PIK3C2G: variants seen among roughly 807,000 people sequenced by gnomAD.
PIK3C2G encodes the protein phosphatidylinositol 3-kinase C2 domain-containing subunit gamma.
Under a neutral mutation model 181.1 loss-of-function variants are expected in PIK3C2G, and 168 were observed. The ratio of observed to expected loss-of-function variants is 0.93; its 90% CI spans 0.82 to 1.05. The LOEUF (loss-of-function observed/expected upper bound fraction) is 1.05. Ranked by LOEUF, PIK3C2G falls within the 50% of genes least tolerant of loss-of-function variation. The probability of loss-of-function intolerance (pLI) is 0.00; values close to 1 mark genes in which losing one functional copy is unlikely to be tolerated. For synonymous variants in PIK3C2G, 573 were observed against 592.2 expected (o/e 0.97, Z 0.47); for missense variants, 1,869 against 1,732.8 (o/e 1.08, Z -1.40).
chr12:18,651,133 A>G (rs1180278032), downstream of PIK3C2G, among the ~76,000 whole-genome samples: 2 of 151,994 alleles, frequency 1.3e-5, no homozygotes, highest in African/African-American at 4.8e-5. Context: ...TGCTTATAAC[A>G]TTCAATCAAC....
chr12:18,696,546 T>C, the PIK3C2G span, among the ~76,000 whole-genome samples: 1 of 151,746 alleles, frequency 6.6e-6, no homozygotes, highest in Non-Finnish European at 1.5e-5. Flanking sequence ...AGATAATTTA[T>C]ATATTTTTTA....
At chr12:18,505,702 G>A (rs999670150) in intron 24 of PIK3C2G, among the ~76,000 whole-genome samples, 2 of 152,172 alleles carry the variant, frequency 1.3e-5, no homozygotes, top group African/African-American at 4.8e-5. Flanking sequence ...ATGAGAAGCA[G>A]CTAATCCTGT....
chr12:18,473,233 G>T lies in PIK3C2G; in HGVS notation c.2505-15216G>T, dbSNP rs115523273. On this transcript the variant is annotated intron_variant, in intron 18 of 32. Coordinates refer to ENST00000538779, the MANE Select transcript of PIK3C2G (RefSeq NM_001288772.2). ...ACTTCTAAACTAGATTATTTCCATA[G>T]ATCTTTCCAGAGTCCAGGTCTGATT... is the stretch of plus-strand genomic sequence containing the variant. Among the ~76,000 whole-genome samples the T allele has an allele frequency of 7.0e-3, 1,068 of 152,232 alleles. 6 individuals are homozygous for T. The highest frequency in any genetic ancestry group is 0.019 in the African/African-American group (783 of 41,544).
At chr12:18,431,370 A>G (rs1434319987) in intron 18 of PIK3C2G, among the ~76,000 whole-genome samples, 4 of 152,186 alleles carry the variant, frequency 2.6e-5, no homozygotes, top group Non-Finnish European at 5.9e-5. Context: ...GAAAGAGCCC[A>G]CTGGCCACGT....
chr12:18,261,099 G>A (rs1948220649), upstream of PIK3C2G, among the ~76,000 whole-genome samples: 2 of 152,062 alleles, frequency 1.3e-5, no homozygotes, highest in Non-Finnish European at 2.9e-5. Flanking sequence ...GAAACTCACA[G>A]AATGGCTAGA....
At chr12:18,650,333 A>C (rs199785687), downstream of PIK3C2G, among the ~76,000 whole-genome samples, 98 of 119,032 alleles carry the variant, frequency 8.2e-4, no homozygotes, top group East Asian at 1.6e-3. Context: ...CTCTCTCTCT[A>C]TATATATATA....
chr12:18,382,794 G>A (rs941021488), intron 14 of PIK3C2G, among the ~76,000 whole-genome samples: 1 of 152,184 alleles, frequency 6.6e-6, no homozygotes, highest in East Asian at 1.9e-4. Flanking sequence ...CACTGCTCTA[G>A]AAGAAGTCAG....
At chr12:18,565,222 T>C (rs1945565786) in intron 28 of PIK3C2G, among the ~76,000 whole-genome samples, 1 of 152,142 alleles carries the variant, frequency 6.6e-6, no homozygotes, top group Non-Finnish European at 1.5e-5. Flanking sequence ...GTAAATGTCA[T>C]CTGGAAGGCA....
intron 13 of PIK3C2G, among the ~76,000 whole-genome samples, chr12:18,376,539 G>T (rs572980424): frequency 6.6e-6 from 1 of 152,296 alleles, no homozygotes; most frequent in East Asian, 1.9e-4. Context: ...GCTGAAATGA[G>T]TTAAGACTTT....
Position 18,374,511 on chromosome 12 carries a change from G to T in PIK3C2G, c.1880+3200G>T, listed in dbSNP as rs540617963. ...TATGATGAAGGAAGATTGAAAAACC[G>T]GCAGTTGGTTACCAGGCTACTTAGA... On this transcript the variant is annotated intron_variant, in intron 13 of 32. Transcript: ENST00000538779. Among the ~76,000 whole-genome samples, 56 of 152,178 alleles carry T rather than the reference G, an allele frequency of 3.7e-4. 2 individuals are homozygous for T. In the South Asian group the frequency reaches 0.011, roughly 30 times the overall value.
At chr12:18,486,369 C>T (rs1940033461) in intron 18 of PIK3C2G, among the ~76,000 whole-genome samples, 1 of 152,010 alleles carries the variant, frequency 6.6e-6, no homozygotes, top group African/African-American at 2.4e-5. Context: ...TTATTTTGAG[C>T]AAGGAATCAA....
intron 25 of PIK3C2G, 133 bp downstream of exon 25, chr12:18,538,445 G>A (rs185186357): frequency 8.0e-5 from 52 of 652,572 alleles, no homozygotes; most frequent in Middle Eastern, 6.5e-4. Flanking sequence ...AAAACTAAGA[G>A]TACCATTGTA....
At chr12:18,520,383 T>C (rs1017513002) in intron 24 of PIK3C2G, among the ~76,000 whole-genome samples, 3 of 152,188 alleles carry the variant, frequency 2.0e-5, no homozygotes. Flanking sequence ...TCTTTTTACA[T>C]AGTCCCATAT....
At chr12:18,436,382 T>C (rs1165257643) in intron 18 of PIK3C2G, among the ~76,000 whole-genome samples, 2 of 152,092 alleles carry the variant, frequency 1.3e-5, no homozygotes, top group Non-Finnish European at 2.9e-5. Flanking sequence ...GCTTACATGA[T>C]TGGTTTAGCA....
intron 15 of PIK3C2G, among the ~76,000 whole-genome samples, chr12:18,395,504 C>A (rs1357551592): frequency 1.4e-5 from 2 of 147,498 alleles, no homozygotes; most frequent in African/African-American, 5.0e-5. Flanking sequence ...CCGTACTATA[C>A]AAAATAGTAA....
At chr12:18,708,302 C>T in the PIK3C2G span, among the ~76,000 whole-genome samples, 1 of 152,136 alleles carries the variant, frequency 6.6e-6, no homozygotes, top group Admixed American at 6.6e-5. Context: ...GCTTATTTCA[C>T]TTAACATAAT....
At chr12:18,447,864 A>G (rs748880938) in intron 18 of PIK3C2G, among the ~76,000 whole-genome samples, 2 of 152,152 alleles carry the variant, frequency 1.3e-5, no homozygotes, top group Non-Finnish European at 2.9e-5. Context: ...ATTGTTAAAA[A>G]TGTTTGCTTA....
intron 11 of PIK3C2G, among the ~76,000 whole-genome samples, chr12:18,353,262 C>A (rs996619301): frequency 6.6e-6 from 1 of 152,106 alleles, no homozygotes; most frequent in Non-Finnish European, 1.5e-5. Flanking sequence ...GAGCCATTGT[C>A]CAAGGCTCCA....
the PIK3C2G span, among the ~76,000 whole-genome samples, chr12:18,720,018 A>G: frequency 6.6e-6 from 1 of 152,218 alleles, no homozygotes; most frequent in African/African-American, 2.4e-5. Context: ...CCAGTCACTC[A>G]CCACACCCAA....
Sources: gnomAD v4.1 joint callset for allele counts (sites outside exome capture counted in the v4.1 genomes callset) on GRCh38, gnomAD v4.1.1 for gene constraint, MANE v1.5 for transcripts, NCBI Gene and HGNC (gene_info 2026-07-23, HGNC 2026-07-21) for gene names.